The following AGXT2 variants were observed in gnomAD, a reference collection of about 807,000 sequenced individuals.
The protein encoded by AGXT2 is alanine--glyoxylate aminotransferase 2, also known as alanine--glyoxylate aminotransferase 2, mitochondrial.
A neutral mutation model predicts 62.5 loss-of-function variants in AGXT2; 61 were observed. The observed-to-expected ratio is 0.98, with a 90% confidence interval of 0.79 to 1.21. The LOEUF (loss-of-function observed/expected upper bound fraction) is 1.21, where lower values mean the gene tolerates loss of function less well. Among genes scored for constraint, AGXT2 ranks in the 50% most tolerant of loss-of-function variants. The pLI, the probability that AGXT2 is intolerant of heterozygous loss-of-function variation, is 0.00. For synonymous variants in AGXT2, 243 were observed against 218.7 expected, an observed-to-expected ratio of 1.11 and a Z score of -0.98; for missense variants, 666 against 641.5, an observed-to-expected ratio of 1.04 and a Z score of -0.41.
intron 1 of AGXT2, among the ~76,000 whole-genome samples, chr5:35,042,932 C>T (rs1249993506): frequency 6.6e-6 from 1 of 152,152 alleles, no homozygotes; most frequent in Non-Finnish European, 1.5e-5. Flanking sequence ...TAATGATTTT[C>T]ATCCAATTCA....
intron 1 of AGXT2, among the ~76,000 whole-genome samples, chr5:35,045,105 A>C (rs1046273944): frequency 1.3e-5 from 2 of 152,214 alleles, no homozygotes; most frequent in African/African-American, 4.8e-5. Context: ...CCCCACTGAG[A>C]TATTTCTCCA....
chr5:35,035,007 G>C (rs77261681), intron 5 of AGXT2, among the ~76,000 whole-genome samples: 3 of 152,132 alleles, frequency 2.0e-5, no homozygotes, highest in Non-Finnish European at 4.4e-5. Flanking sequence ...CAAGCTGGTC[G>C]TGACCAGTTG....
chr5:35,020,769 G>C (rs1400228714), intron 9 of AGXT2, among the ~76,000 whole-genome samples: 1 of 152,198 alleles, frequency 6.6e-6, no homozygotes. Flanking sequence ...AATAGGAAAA[G>C]AGGAAGTCAA....
chr5:35,035,196 A>G (rs1490496483), intron 5 of AGXT2, 26 bp downstream of exon 5: 3 of 1,596,942 alleles, frequency 1.9e-6, no homozygotes, highest in Non-Finnish European at 1.7e-6. Flanking sequence ...GTGTTCCTAA[A>G]GTTGAATATT....
At chr5:35,013,951 G>A (rs1766744652) in intron 10 of AGXT2, 36 bp downstream of exon 10, 1 of 1,613,550 alleles carries the variant, frequency 6.2e-7, no homozygotes, top group Non-Finnish European at 8.5e-7. Context: ...AATGTACGAG[G>A]CCCAGAAGCA....
chr5:35,017,663 C>G (rs1169620961), intron 9 of AGXT2, among the ~76,000 whole-genome samples: 1 of 152,154 alleles, frequency 6.6e-6, no homozygotes, highest in African/African-American at 2.4e-5. Context: ...AAAAGCAGAG[C>G]ACCTCTCCTC....
intron 5 of AGXT2, 140 bp downstream of exon 5, chr5:35,035,082 T>C: frequency 1.3e-6 from 1 of 797,776 alleles, no homozygotes. Context: ...TCAATTGACC[T>C]ATCCTTCCTT....
At chr5:35,029,425 C>T (rs1300222749) in intron 7 of AGXT2, among the ~76,000 whole-genome samples, 1 of 152,176 alleles carries the variant, frequency 6.6e-6, no homozygotes, top group African/African-American at 2.4e-5. Flanking sequence ...TCCCTCTCTG[C>T]CCACATGCTC....
chr5:35,025,226 A>G (rs1470163970), intron 9 of AGXT2, among the ~76,000 whole-genome samples: 1 of 151,910 alleles, frequency 6.6e-6, no homozygotes, highest in Non-Finnish European at 1.5e-5. Context: ...AAATACAAAA[A>G]TTAGTCAGGC....
chr5:35,033,287 A>C, intron 6 of AGXT2, 173 bp downstream of exon 6: 2 of 637,570 alleles, frequency 3.1e-6, no homozygotes, highest in Non-Finnish European at 2.8e-6. Flanking sequence ...CAGACTCGGA[A>C]GGCCTTTCTA....
chr5:35,041,220 C>G (rs6869188), intron 1 of AGXT2, among the ~76,000 whole-genome samples: 1 of 11,324 alleles, frequency 8.8e-5, no homozygotes, highest in Non-Finnish European at 8.9e-4. Context: ...AACCTCCCCC[C>G]GCCAAAAAAA....
chr5:35,014,593 C>T (rs990777961), intron 9 of AGXT2, among the ~76,000 whole-genome samples: 27 of 152,028 alleles, frequency 1.8e-4, no homozygotes, highest in African/African-American at 6.0e-4. Flanking sequence ...TTAATTTGTG[C>T]CTGAGCTATT....
intron 1 of AGXT2, 30 bp from the exon 2 acceptor site, chr5:35,040,693 C>T (rs201711080): frequency 2.1e-4 from 327 of 1,543,392 alleles, no homozygotes; most frequent in Middle Eastern, 8.4e-4. Context: ...GAATCCTCAA[C>T]TAAGCATGAC....
chr5:35,026,405 C>A lies in AGXT2; in HGVS notation c.870+5G>T, dbSNP rs759333159. Reference sequence around the variant, plus strand: ...TCCATTAATGTCTAAGGTTCATATACCCACTTGAATAGGTTCTGCGAAAAA... The same window carrying A: ...TCCATTAATGTCTAAGGTTCATATAACCACTTGAATAGGTTCTGCGAAAAA... On this transcript the variant is annotated splice_donor_5th_base_variant and intron_variant, in intron 8 of 13. Coordinates refer to ENST00000231420, the MANE Select transcript of AGXT2 (RefSeq NM_031900.4). The A allele has an allele frequency of 1.2e-6, 2 of 1,611,856 alleles. No individual in the cohort carries two copies. The highest frequency in any genetic ancestry group is 1.7e-6 in the Non-Finnish European group (2 of 1,177,992).
At chr5:35,007,437 A>G (rs1363445726) in intron 12 of AGXT2, among the ~76,000 whole-genome samples, 1 of 152,190 alleles carries the variant, frequency 6.6e-6, no homozygotes, top group African/African-American at 2.4e-5. Flanking sequence ...GATCTCCTGG[A>G]TAGAGGAGAA....
chr5:35,010,550 T>TG (rs997130055), intron 11 of AGXT2, among the ~76,000 whole-genome samples: 4 of 150,832 alleles, frequency 2.7e-5, no homozygotes, highest in Non-Finnish European at 4.4e-5. Flanking sequence ...CAGGGCTCTG[T>TG]GGGGGGCGCC....
rs1766109405 is a variant in AGXT2 at position 34,998,432 on chromosome 5, A to C, written c.*287T>G. On this transcript the variant is annotated 3_prime_UTR_variant, in exon 14 of 14. Transcript: ENST00000231420. ...ACAAAAATACATCACATATTCATGC[A>C]TAAACCAATCACTGCAAAGGGGAAT... 1.3e-5 allele frequency: 6 copies of C among 469,498 alleles called. No individual in the cohort carries two copies. The highest frequency in any genetic ancestry group is 3.9e-5 in the African/African-American group (2 of 51,284). 29.1% of individuals were successfully genotyped at this position (469,498 alleles called of 1,614,324 possible).
intron 9 of AGXT2, among the ~76,000 whole-genome samples, chr5:35,023,306 C>G (rs1181561067): frequency 1.3e-5 from 2 of 152,018 alleles, no homozygotes; most frequent in African/African-American, 4.8e-5. Flanking sequence ...TACTATAGAA[C>G]AGTTGATAGG....
chr5:35,001,448 C>T (rs2112159088), intron 13 of AGXT2, among the ~76,000 whole-genome samples: 1 of 152,330 alleles, frequency 6.6e-6, no homozygotes, highest in South Asian at 2.1e-4. Flanking sequence ...ATTTGTCTTC[C>T]TCAGAGGACA....
Sources: allele counts gnomAD v4.1 joint callset (sites outside exome capture counted in the v4.1 genomes callset), GRCh38; gene constraint gnomAD v4.1.1; transcripts MANE v1.5; gene names NCBI Gene and HGNC (gene_info 2026-07-23, HGNC 2026-07-21).